TVP23A: variants seen among roughly 807,000 people sequenced by gnomAD.
TVP23A encodes the protein Golgi apparatus membrane protein TVP23 homolog A.
In TVP23A, 21 loss-of-function variants were observed where a neutral mutation model predicts 31.7. That is an observed-to-expected ratio of 0.66 (90% CI 0.47 to 0.95). The LOEUF (loss-of-function observed/expected upper bound fraction) is 0.95, where lower values mean the gene tolerates loss of function less well. Ranked by LOEUF, TVP23A falls within the 40% of genes least tolerant of loss-of-function variation. The pLI is 0.00. For missense variants in TVP23A, 279 were observed against 255.6 expected, an observed-to-expected ratio of 1.09 and a Z score of -0.62; for synonymous variants, 104 against 96.0, an observed-to-expected ratio of 1.08 and a Z score of -0.49.
chr16:10,780,389 G>A (rs1393719021), intron 2 of TVP23A, among the ~76,000 whole-genome samples: 10 of 152,022 alleles, frequency 6.6e-5, no homozygotes, highest in Admixed American at 6.6e-4. Context: ...TTGTTATCTT[G>A]TCATACTTCA....
intron 2 of TVP23A, chr16:10,800,276 C>G (rs917164382): frequency 2.0e-5 from 3 of 152,096 alleles, no homozygotes; most frequent in Non-Finnish European, 4.4e-5. Flanking sequence ...TGGACAAGAT[C>G]TGAAGGCAGC....
At position 10,767,195 on chromosome 16, in the gene TVP23A, C is replaced by T. The variant is rs1222570734; in HGVS notation, c.*1907G>A. The T allele has an allele frequency of 3.0e-5, 12 of 399,848 alleles. No homozygotes were observed. The South Asian group carries it at 1.0e-3, about 34-fold the overall frequency. The allele number at this position is 399,848 out of a possible 1,614,324, so 24.8% of individuals were successfully genotyped here. ...AGCAAGCTGATGGCAGGTCCACCCA[C>T]GACTGGGGGCTGGCAGGGCAGACTG... is the stretch of plus-strand genomic sequence containing the variant. On this transcript the variant is annotated 3_prime_UTR_variant, in exon 8 of 8. Coordinates refer to ENST00000299866, the MANE Select transcript of TVP23A (RefSeq NM_001079512.4). This position sits in a 1 kb window ranked among gnomAD's most constrained non-coding sequence, Gnocchi z 4.6.
intron 2 of TVP23A, among the ~76,000 whole-genome samples, chr16:10,816,729 G>T (rs1054534906): frequency 1.3e-5 from 2 of 151,936 alleles, no homozygotes; most frequent in Non-Finnish European, 2.9e-5. Context: ...AAAGAGGCAC[G>T]GGGGAAGTGG....
intron 2 of TVP23A, among the ~76,000 whole-genome samples, chr16:10,785,404 A>AG (rs1491498850): frequency 1.5e-5 from 2 of 137,418 alleles, no homozygotes; most frequent in African/African-American, 6.2e-5. Context: ...ACTCCATCTC[A>AG]AAAAAAAAAA....
chr16:10,792,029 C>T (rs1406851872), intron 2 of TVP23A, among the ~76,000 whole-genome samples: 2 of 152,208 alleles, frequency 1.3e-5, no homozygotes, highest in Non-Finnish European at 2.9e-5. Context: ...GCTACATAAA[C>T]GTCACACCTG....
intron 2 of TVP23A, among the ~76,000 whole-genome samples, chr16:10,782,662 C>T (rs2032495442): frequency 6.6e-6 from 1 of 152,128 alleles, no homozygotes; most frequent in Non-Finnish European, 1.5e-5. Context: ...ACCACCACAC[C>T]TGGCTAATTT....
intron 5 of TVP23A, among the ~76,000 whole-genome samples, chr16:10,772,986 G>A (rs761780374): frequency 2.6e-5 from 4 of 152,094 alleles, no homozygotes; most frequent in African/African-American, 7.2e-5. Context: ...GGGCTCAAGC[G>A]TGCACACCAT....
intron 2 of TVP23A, among the ~76,000 whole-genome samples, chr16:10,795,674 C>A (rs1360438196): frequency 6.6e-6 from 1 of 152,180 alleles, no homozygotes; most frequent in Non-Finnish European, 1.5e-5. Context: ...CTTTTCTCTA[C>A]AAAGTGTACC....
At chr16:10,805,601 C>T (rs1214916076) in intron 2 of TVP23A, among the ~76,000 whole-genome samples, 1 of 150,098 alleles carries the variant, frequency 6.7e-6, no homozygotes, top group Non-Finnish European at 1.5e-5. Flanking sequence ...CATGGAACCC[C>T]CGAGGCTGGG....
chr16:10,761,828 C>G (rs748957492), downstream of TVP23A: 1 of 1,614,140 alleles, frequency 6.2e-7, no homozygotes, highest in Non-Finnish European at 8.5e-7. Context: ...AGGTCCCTCT[C>G]CTCGGCAGAG....
At chr16:10,769,440 TC>T (rs1309366797) in intron 7 of TVP23A, 42 of 254,710 alleles carry the variant, frequency 1.6e-4, no homozygotes, top group Non-Finnish European at 3.0e-5. Context: ...TTGTAGAAAC[TC>T]CCGTTTAAGC....
At chr16:10,814,229 G>A (rs548422983) in intron 2 of TVP23A, among the ~76,000 whole-genome samples, 14 of 152,192 alleles carry the variant, frequency 9.2e-5, no homozygotes, top group African/African-American at 3.4e-4. Flanking sequence ...TCTGGGATGG[G>A]TGGCTCTCAA....
downstream of TVP23A, among the ~76,000 whole-genome samples, chr16:10,758,725 A>G (rs1457945813): frequency 2.0e-5 from 3 of 152,196 alleles, no homozygotes; most frequent in Admixed American, 2.0e-4. Flanking sequence ...TTTACATCCC[A>G]GGATGATTTA....
chr16:10,794,675 C>T (rs982491233), intron 2 of TVP23A, among the ~76,000 whole-genome samples: 54 of 152,178 alleles, frequency 3.5e-4, no homozygotes, highest in African/African-American at 1.1e-3. Context: ...AGGGTGAGGG[C>T]GCTTGGCTGA....
downstream of TVP23A, chr16:10,765,238 A>G (rs547532373): frequency 6.6e-6 from 1 of 151,256 alleles, no homozygotes; most frequent in East Asian, 1.9e-4. The surrounding 1 kb of genome is among the most constrained non-coding windows in gnomAD (Gnocchi z 4.0). Context: ...CTGATACTAA[A>G]TGATAGCAAC....
chr16:10,762,326 C>A (rs1333825419), downstream of TVP23A, among the ~76,000 whole-genome samples: 1 of 152,180 alleles, frequency 6.6e-6, no homozygotes, highest in Non-Finnish European at 1.5e-5. Flanking sequence ...GGATCACTGG[C>A]CTGCGAGCAG....
intron 2 of TVP23A, among the ~76,000 whole-genome samples, chr16:10,783,045 A>C (rs1450365348): frequency 6.6e-6 from 1 of 152,168 alleles, no homozygotes; most frequent in Non-Finnish European, 1.5e-5. Context: ...GACTGGCACA[A>C]TCCCAAGGGG....
chr16:10,783,822 A>T (rs1369201762), intron 2 of TVP23A, among the ~76,000 whole-genome samples: 1 of 152,214 alleles, frequency 6.6e-6, no homozygotes, highest in Non-Finnish European at 1.5e-5. Flanking sequence ...GCTTAGTGAA[A>T]GAGGTTAATC....
chr16:10,780,459 T>C (rs150495838), intron 2 of TVP23A, among the ~76,000 whole-genome samples: 3 of 152,316 alleles, frequency 2.0e-5, no homozygotes, highest in African/African-American at 7.2e-5. Flanking sequence ...CCAGCCTTTG[T>C]ATAAGGGCAC....
Sources: gnomAD v4.1 joint callset for allele counts (sites outside exome capture counted in the v4.1 genomes callset) on GRCh38, gnomAD v4.1.1 for gene constraint, Gnocchi (gnomAD v3.1) non-coding constraint, MANE v1.5 for transcripts, NCBI Gene and HGNC (gene_info 2026-07-23, HGNC 2026-07-21) for gene names.